The following NDE1 variants were observed in gnomAD, a reference collection of about 807,000 sequenced individuals.
NDE1 encodes the protein nudE neurodevelopment protein 1.
A neutral mutation model predicts 43.4 loss-of-function variants in NDE1; 28 were observed. The ratio of observed to expected loss-of-function variants is 0.65; its 90% CI spans 0.48 to 0.89. The LOEUF is 0.89. Among genes scored for constraint, NDE1 ranks in the 40% least tolerant of loss-of-function variants. NDE1 has a pLI of 0.00. For missense variants in NDE1, 441 were observed against 434.1 expected (o/e 1.02, Z -0.14); for synonymous variants, 184 against 172.0 (o/e 1.07, Z -0.55).
At chr16:15,654,181 A>G (rs1420706857) in intron 1 of NDE1, among the ~76,000 whole-genome samples, 2 of 152,210 alleles carry the variant, frequency 1.3e-5, no homozygotes, top group Non-Finnish European at 2.9e-5. Context: ...TGGCGTATTA[A>G]GAACGCAGGT....
chr16:15,711,716 C>G (rs1379152175), intron 8 of NDE1, among the ~76,000 whole-genome samples: 3 of 151,800 alleles, frequency 2.0e-5, no homozygotes, highest in Admixed American at 1.3e-4. Flanking sequence ...TTTTTGAGAC[C>G]GAGTTTTGGT....
Position 15,694,460 on chromosome 16 carries a change from C to G in NDE1, c.795+204C>G, listed in dbSNP as rs1010718349. The G allele has an allele frequency of 1.9e-5, 26 of 1,361,296 alleles. No homozygotes were observed. The African/African-American group carries it at 3.3e-4, about 17-fold the overall frequency. The allele number at this position is 1,361,296 out of a possible 1,614,324, so 84.3% of individuals were successfully genotyped here. ...TCCTGGGTTCAAGCGATCCTCTCAC[C>G]TTAGCTTCCCGAGGAGCTTGGACCA... On this transcript the variant is annotated intron_variant, in intron 7 of 8. Coordinates refer to ENST00000396354, the MANE Select transcript of NDE1 (RefSeq NM_017668.3).
chr16:15,685,405 C>G (rs1215320952), intron 4 of NDE1, among the ~76,000 whole-genome samples: 1 of 152,112 alleles, frequency 6.6e-6, no homozygotes, highest in Admixed American at 6.5e-5. Flanking sequence ...AGGCACGCAT[C>G]ATGCACGGCT....
intron 1 of NDE1, among the ~76,000 whole-genome samples, chr16:15,657,055 C>T (rs917213901): frequency 9.2e-5 from 14 of 151,980 alleles, no homozygotes; most frequent in African/African-American, 3.1e-4. Context: ...ACCTTCCATA[C>T]CATGGGACTG....
At chr16:15,652,771 C>G (rs2036567727) in intron 1 of NDE1, among the ~76,000 whole-genome samples, 1 of 152,106 alleles carries the variant, frequency 6.6e-6, no homozygotes, top group Non-Finnish European at 1.5e-5. Context: ...TCAAGCAATC[C>G]TCTTGCCTGA....
chr16:15,666,553 G>A (rs563927093), intron 2 of NDE1, among the ~76,000 whole-genome samples: 23 of 152,246 alleles, frequency 1.5e-4, no homozygotes, highest in African/African-American at 4.8e-4. Context: ...AGGCTGCAGT[G>A]ACGCATGATC....
chr16:15,685,089 TC>T (rs1194703319), intron 4 of NDE1, among the ~76,000 whole-genome samples: 1 of 152,260 alleles, frequency 6.6e-6, no homozygotes, highest in Non-Finnish European at 1.5e-5. Context: ...TAATGGGTCT[TC>T]CTCTTTATAT....
At chr16:15,656,838 G>A (rs1257954773) in intron 1 of NDE1, among the ~76,000 whole-genome samples, 1 of 152,152 alleles carries the variant, frequency 6.6e-6, no homozygotes, top group Non-Finnish European at 1.5e-5. Context: ...ACAGCACCCT[G>A]CCAGGCTTGG....
chr16:15,649,567 A>C (rs1046221329), upstream of NDE1: 1 of 152,098 alleles, frequency 6.6e-6, no homozygotes, highest in Non-Finnish European at 1.5e-5. Context: ...CTCGTGATCC[A>C]CCCGCCTTGG....
intron 1 of NDE1, among the ~76,000 whole-genome samples, chr16:15,663,666 T>C (rs763677375): frequency 4.3e-4 from 65 of 152,204 alleles, no homozygotes; most frequent in Non-Finnish European, 7.3e-4. Flanking sequence ...TTCAGGTGCA[T>C]ACATATTTCA....
chr16:15,696,664 A>G (rs1567660006), intron 7 of NDE1, 45 bp from the exon 8 acceptor site: 1 of 1,613,850 alleles, frequency 6.2e-7, no homozygotes, highest in Non-Finnish European at 8.5e-7. Flanking sequence ...AAGACAGAAT[A>G]GTCCTTGCCT....
At chr16:15,700,055 A>C (rs1029195832) in intron 8 of NDE1, 3 of 1,171,964 alleles carry the variant, frequency 2.6e-6, no homozygotes, top group Non-Finnish European at 3.2e-6. Flanking sequence ...AAAGAGGGAC[A>C]AAAGGGGCTC....
At chr16:15,718,622 C>G in intron 8 of NDE1, 2 of 896,488 alleles carry the variant, frequency 2.2e-6, no homozygotes, top group South Asian at 3.5e-5. Flanking sequence ...GGACTCAGGC[C>G]GGGTCCGTGT....
At chr16:15,686,239 A>G (rs980823746) in intron 4 of NDE1, 2 of 417,976 alleles carry the variant, frequency 4.8e-6, no homozygotes, top group Non-Finnish European at 6.4e-6. Flanking sequence ...GGCGTGAGCC[A>G]CCGTGTCCGG....
intron 8 of NDE1, among the ~76,000 whole-genome samples, chr16:15,702,914 G>A (rs1032962083): frequency 3.3e-5 from 5 of 152,186 alleles, no homozygotes; most frequent in South Asian, 2.1e-4. Context: ...CCTGCTGAGC[G>A]GCCCAGTAAC....
At position 15,691,361 on chromosome 16, in the gene NDE1, C is replaced by T. The variant is rs750655784; in HGVS notation, c.703+38C>T. ...GGAATTGCAGGATTTTCTCGGTTCA[C>T]AAAGTGTTTCTGGGTAAGAATCTGG... On this transcript the variant is annotated intron_variant, in intron 6 of 8. Transcript: ENST00000396354. The T allele has an allele frequency of 5.0e-6, 8 of 1,604,254 alleles. 1 individual carries two copies. Among genetic ancestry groups the T allele is most frequent in the Admixed American group, 3.4e-5 (2 of 58,436 alleles).
rs151239811 is a variant in NDE1, at chr16:15,653,803, C to G, written c.-44+3509C>G. Among the ~76,000 whole-genome samples, 739 of 151,748 alleles carry G rather than the reference C, an allele frequency of 4.9e-3. 5 individuals are homozygous for G. The highest frequency in any genetic ancestry group is 0.017 in the African/African-American group (721 of 41,386). On this transcript the variant is annotated intron_variant, in intron 1 of 8. Transcript: ENST00000396354. ...AGTGCTGTGGGGCGATCTCGGCTCACTGCAACCACCGCCTCCCATGCTCAA... is the reference window on the plus strand; with the variant it reads ...AGTGCTGTGGGGCGATCTCGGCTCAGTGCAACCACCGCCTCCCATGCTCAA...
chr16:15,708,082 C>G (rs1249699602), intron 8 of NDE1, among the ~76,000 whole-genome samples: 1 of 151,972 alleles, frequency 6.6e-6, no homozygotes. Flanking sequence ...TGAACATGTA[C>G]ATGCCCGTGA....
At chr16:15,656,318 G>T (rs778583159) in intron 1 of NDE1, among the ~76,000 whole-genome samples, 1 of 152,010 alleles carries the variant, frequency 6.6e-6, no homozygotes, top group Non-Finnish European at 1.5e-5. Flanking sequence ...TTTGCAGGCT[G>T]TGATACAAAT....
Sources: allele counts gnomAD v4.1 joint callset (sites outside exome capture counted in the v4.1 genomes callset), GRCh38; gene constraint gnomAD v4.1.1; transcripts MANE v1.5; gene names NCBI Gene and HGNC (gene_info 2026-07-23, HGNC 2026-07-21).